Variants in WNT4 observed in about 807,000 individuals in gnomAD.
WNT4 encodes the protein Wnt family member 4.
A neutral mutation model predicts 34.5 loss-of-function variants in WNT4; 16 were observed. That is an observed-to-expected ratio of 0.46 (90% CI 0.31 to 0.70). The LOEUF (loss-of-function observed/expected upper bound fraction) is 0.70, where lower values mean the gene tolerates loss of function less well. Among genes scored for constraint, WNT4 ranks in the 30% least tolerant of loss-of-function variants. The probability of loss-of-function intolerance (pLI) is 0.04; values close to 1 mark genes in which losing one functional copy is unlikely to be tolerated. For missense variants in WNT4, 379 were observed against 495.9 expected (o/e 0.76, Z 2.24); for synonymous variants, 200 against 211.9 (o/e 0.94, Z 0.49).
chr1:22,121,510 G>A lies in WNT4; in HGVS notation c.380C>T (p.Ala127Val), dbSNP rs758095589. 2.5e-6 allele frequency: 4 copies of A among 1,613,850 alleles called. No individual in the cohort carries two copies. Among genetic ancestry groups the A allele is most frequent in the South Asian group, 1.1e-5 (1 of 91,086 alleles). Residue 127 changes from alanine (A) to valine (V), a missense_variant, in exon 3 of 5, where the codon GCG becomes GTG. Ala to Val is a moderately conservative substitution (Grantham distance 64). Transcript: ENST00000290167. ...CTTCTCCAGCTCCCCACTGCTGCAC[G>A]CCCGCGTCACTGCAAAGGCCACACC... Reference protein sequence around the residue: ...SAGVAFAVTRACSSGELEKCG... With the variant: ...SAGVAFAVTRVCSSGELEKCG...
At chr1:22,123,628 T>C (rs926820531) in intron 2 of WNT4, among the ~76,000 whole-genome samples, 1 of 152,216 alleles carries the variant, frequency 6.6e-6, no homozygotes, top group Non-Finnish European at 1.5e-5. Context: ...ATGAGGAAAC[T>C]GAGGCACTGA....
At position 22,119,228 on chromosome 1, in the gene WNT4, GT is replaced by G. The variant is rs1553198620; in HGVS notation, c.*821del. 1 of 120,540 alleles carries G rather than the reference GT, an allele frequency of 8.3e-6. No individual in the cohort carries two copies. The highest frequency in any genetic ancestry group is 2.3e-4 in the East Asian group (1 of 4,334). The allele number at this position is 120,540 out of a possible 1,614,324, so 7.5% of individuals were successfully genotyped here. ...TGTGTGTGTGTGTGTGTGTGTGTGTGTTTCAGTTTCATGGAGGAACAGCGCT... is the reference window on the plus strand; with the variant it reads ...TGTGTGTGTGTGTGTGTGTGTGTGTGTTCAGTTTCATGGAGGAACAGCGCT... On this transcript the variant is annotated 3_prime_UTR_variant, in exon 5 of 5. Coordinates refer to ENST00000290167, the MANE Select transcript of WNT4 (RefSeq NM_030761.5).
chr1:22,121,195 G>C lies in WNT4; in HGVS notation c.588+16C>G, dbSNP rs764222684. The C allele has an allele frequency of 6.2e-7, 1 of 1,613,766 alleles. No homozygotes were observed. The highest frequency in any genetic ancestry group is 8.5e-7 in the Non-Finnish European group (1 of 1,179,996). On this transcript the variant is annotated intron_variant, in intron 4 of 4. Transcript: ENST00000290167. ...TATCCCTACCCCGCTCTTGGTGGGG[G>C]GTAGTGCCACACTACCTTCCTGCCG...
chr1:22,119,385 G>A lies in WNT4; in HGVS notation c.*665C>T, dbSNP rs1557921217. 1 of 154,688 alleles carries A rather than the reference G, an allele frequency of 6.5e-6. No individual in the cohort carries two copies. The highest frequency in any genetic ancestry group is 1.4e-5 in the Non-Finnish European group (1 of 69,730). 9.6% of individuals were successfully genotyped at this position (154,688 alleles called of 1,614,324 possible). On this transcript the variant is annotated 3_prime_UTR_variant, in exon 5 of 5. Transcript: ENST00000290167. Reference sequence around the variant, plus strand: ...CTCTTCCCAGGGGCAGGCTGGGGCAGGCTGGGTTCTAGGGTGGGACTTCAG... The same window carrying A: ...CTCTTCCCAGGGGCAGGCTGGGGCAAGCTGGGTTCTAGGGTGGGACTTCAG...
intron 1 of WNT4, among the ~76,000 whole-genome samples, chr1:22,133,715 T>C (rs10917161): frequency 0.028 from 4,209 of 152,282 alleles, 161 homozygotes; most frequent in East Asian, 0.2. Context: ...TTGATCAGGT[T>C]ACCCCACCAG....
chr1:22,130,993 AGAG>A (rs1227767801), intron 1 of WNT4, among the ~76,000 whole-genome samples: 7 of 152,270 alleles, frequency 4.6e-5, no homozygotes, highest in Non-Finnish European at 7.3e-5. Context: ...GCCATTTAAA[AGAG>A]GAGGAAACTG....
At chr1:22,136,855 C>G (rs184791601) in intron 1 of WNT4, among the ~76,000 whole-genome samples, 1 of 152,100 alleles carries the variant, frequency 6.6e-6, no homozygotes, top group East Asian at 1.9e-4. Context: ...ACTCATGCCT[C>G]GAAGCTTGGG....
Position 22,117,631 on chromosome 1 carries a change from TG to T in WNT4, c.*2418del. On this transcript the variant is annotated 3_prime_UTR_variant, in exon 5 of 5. Transcript: ENST00000290167. ...GCATGTCCAAAGAAGCTCCTTTTCC[TG>T]TGGCTGTGGATTTCTTTGATCTCTG... is the stretch of plus-strand genomic sequence containing the variant. 6.6e-6 allele frequency: 1 copy of T among 152,532 alleles called. No individual in the cohort carries two copies. Among genetic ancestry groups the T allele is most frequent in the Non-Finnish European group, 1.5e-5 (1 of 68,146 alleles). 9.4% of individuals were successfully genotyped at this position (152,532 alleles called of 1,614,324 possible).
chr1:22,135,177 GGAC>G (rs1646012715), intron 1 of WNT4, among the ~76,000 whole-genome samples: 3 of 152,174 alleles, frequency 2.0e-5, no homozygotes, highest in Admixed American at 6.5e-5. Context: ...AGTGTCAAGG[GGAC>G]TTGGAAACCA....
chr1:22,133,263 G>A (rs1345798054), intron 1 of WNT4, among the ~76,000 whole-genome samples: 4 of 152,108 alleles, frequency 2.6e-5, no homozygotes, highest in Admixed American at 6.6e-5. Context: ...CTGTCCTGAC[G>A]GGGTTCCCTC....
At position 22,142,930 on chromosome 1, in the gene WNT4, C is replaced by A; in HGVS notation, c.-8G>T. On this transcript the variant is annotated 5_prime_UTR_variant, in exon 1 of 5. Coordinates refer to ENST00000290167, the MANE Select transcript of WNT4 (RefSeq NM_030761.5). The surrounding 1 kb of genome is among the most constrained non-coding windows in gnomAD (Gnocchi z 6.0). Reference sequence around the variant, plus strand: ...GCACGAGCGGGGACTCATGGTGCCGCCGCGGGCGCCCGGCCCGGGGCAGCG... The same window carrying A: ...GCACGAGCGGGGACTCATGGTGCCGACGCGGGCGCCCGGCCCGGGGCAGCG... 1 of 1,127,302 alleles carries A rather than the reference C, an allele frequency of 8.9e-7. No individual in the cohort carries two copies. Among genetic ancestry groups the A allele is most frequent in the Non-Finnish European group, 1.1e-6 (1 of 901,238 alleles). 69.8% of individuals were successfully genotyped at this position (1,127,302 alleles called of 1,614,324 possible). A position where few individuals can be genotyped will look rare whatever the true frequency, so the allele number is the denominator to read the frequency against.
At chr1:22,125,620 A>G (rs940158554) in intron 2 of WNT4, among the ~76,000 whole-genome samples, 1 of 152,172 alleles carries the variant, frequency 6.6e-6, no homozygotes, top group African/African-American at 2.4e-5. Context: ...ATGGCCTCCC[A>G]GTCACAGCAG....
intron 2 of WNT4, among the ~76,000 whole-genome samples, chr1:22,124,928 C>T (rs1027916307): frequency 1.3e-5 from 2 of 152,188 alleles, no homozygotes; most frequent in Admixed American, 1.3e-4. Flanking sequence ...ATCCCCCATT[C>T]TCCAACCTCT....
chr1:22,137,176 C>A lies in WNT4; in HGVS notation c.77+5670G>T, dbSNP rs776583969. Among the ~76,000 whole-genome samples, 1 of 152,188 alleles carries A rather than the reference C, an allele frequency of 6.6e-6. No homozygotes were observed. Among genetic ancestry groups the A allele is most frequent in the African/African-American group, 2.4e-5 (1 of 41,458 alleles). ...TCCTCAGACCAGGTCCCCTCCTCTGCGGGGTCTGACTTGGCAGGGAACTTT... is the reference window on the plus strand; with the variant it reads ...TCCTCAGACCAGGTCCCCTCCTCTGAGGGGTCTGACTTGGCAGGGAACTTT... On this transcript the variant is annotated intron_variant, in intron 1 of 4. Transcript: ENST00000290167. This position sits in a 1 kb window ranked among gnomAD's most constrained non-coding sequence, Gnocchi z 5.3.
Position 22,142,951 on chromosome 1 carries a change from C to A in WNT4, c.-29G>T. ...GCCGCCGCGGGCGCCCGGCCCGGGG[C>A]AGCGGCTGCGGCCGCGGGGGGCCTC... On this transcript the variant is annotated 5_prime_UTR_variant, in exon 1 of 5. Transcript: ENST00000290167. The surrounding 1 kb of genome is among the most constrained non-coding windows in gnomAD (Gnocchi z 6.0). The A allele has an allele frequency of 9.6e-7, 1 of 1,040,244 alleles. No homozygotes were observed. The highest frequency in any genetic ancestry group is 3.0e-5 in the South Asian group (1 of 33,718). 64.4% of individuals were successfully genotyped at this position (1,040,244 alleles called of 1,614,324 possible). A position where few individuals can be genotyped will look rare whatever the true frequency, so the allele number is the denominator to read the frequency against.
chr1:22,128,950 G>C (rs1338866931), intron 2 of WNT4, among the ~76,000 whole-genome samples: 4 of 151,970 alleles, frequency 2.6e-5, no homozygotes, highest in African/African-American at 9.7e-5. Flanking sequence ...TCGATCTCCT[G>C]ACCTCATGAT....
rs1645874870 is a variant in WNT4 at position 22,119,229 on chromosome 1, T to TGTGTGTGTGTGTGTG, written c.*820_*821insCACACACACACACAC. 1 of 21,530 alleles carries TGTGTGTGTGTGTGTG rather than the reference T, an allele frequency of 4.6e-5. No individual in the cohort carries two copies. The highest frequency in any genetic ancestry group is 2.3e-4 in the African/African-American group (1 of 4,318). 1.3% of individuals were successfully genotyped at this position (21,530 alleles called of 1,614,324 possible). The stretch of plus-strand genomic sequence containing the variant: ...GTGTGTGTGTGTGTGTGTGTGTGTG[T>TGTGTGTGTGTGTGTG]TTCAGTTTCATGGAGGAACAGCGCT... On this transcript the variant is annotated 3_prime_UTR_variant, in exon 5 of 5. Transcript: ENST00000290167.
chr1:22,123,319 C>T (rs1460609361), intron 2 of WNT4, among the ~76,000 whole-genome samples: 1 of 152,142 alleles, frequency 6.6e-6, no homozygotes, highest in Non-Finnish European at 1.5e-5. Context: ...CTGGTGGTCC[C>T]TGGGGTGCAG....
Position 22,140,384 on chromosome 1 carries a change from G to C in WNT4, c.77+2462C>G. The C allele has an allele frequency of 3.9e-6, 2 of 514,672 alleles. No homozygotes were observed. Among genetic ancestry groups the C allele is most frequent in the Non-Finnish European group, 5.0e-6 (2 of 399,924 alleles). The allele number at this position is 514,672 out of a possible 1,614,324, so 31.9% of individuals were successfully genotyped here. A position where few individuals can be genotyped will look rare whatever the true frequency, so the allele number is the denominator to read the frequency against. On this transcript the variant is annotated intron_variant, in intron 1 of 4. Transcript: ENST00000290167. This position sits in a 1 kb window ranked among gnomAD's most constrained non-coding sequence, Gnocchi z 5.9. ...GGGATTGAAACGTTGTTGGGATTTA[G>C]ATCATGCTGTGGGAGTCATCATAAT... is the stretch of plus-strand genomic sequence containing the variant.
Sources: gnomAD v4.1 joint callset for allele counts (sites outside exome capture counted in the v4.1 genomes callset) on GRCh38, gnomAD v4.1.1 for gene constraint, Gnocchi (gnomAD v3.1) non-coding constraint, MANE v1.5 for transcripts, NCBI Gene and HGNC (gene_info 2026-07-23, HGNC 2026-07-21) for gene names.